GLRA1: variants seen among roughly 807,000 people sequenced by gnomAD.
The protein encoded by GLRA1 is glycine receptor alpha 1, also known as glycine receptor subunit alpha-1.
A neutral mutation model predicts 48.3 loss-of-function variants in GLRA1; 37 were observed. The observed-to-expected ratio is 0.77, with a 90% CI of 0.59 to 1.01. GLRA1 has a LOEUF of 1.01. GLRA1 is among the 50% of genes least tolerant of loss of function. The probability of loss-of-function intolerance (pLI) is 0.00; values close to 1 mark genes in which losing one functional copy is unlikely to be tolerated. For synonymous variants in GLRA1, 196 were observed against 210.7 expected (o/e 0.93, Z 0.60); for missense variants, 427 against 571.0 (o/e 0.75, Z 2.57).
intron 7 of GLRA1, among the ~76,000 whole-genome samples, chr5:151,841,089 G>A (rs1763702535): frequency 6.6e-6 from 1 of 152,072 alleles, no homozygotes; most frequent in Non-Finnish European, 1.5e-5. Flanking sequence ...TTCTTCTGAA[G>A]TGCACCATGG....
At chr5:151,860,531 A>G (rs962191064) in intron 3 of GLRA1, among the ~76,000 whole-genome samples, 1 of 152,224 alleles carries the variant, frequency 6.6e-6, no homozygotes, top group Non-Finnish European at 1.5e-5. Context: ...CATTCAAACT[A>G]TTCTGCCTAA....
chr5:151,860,959 G>A (rs1697877254), intron 3 of GLRA1, among the ~76,000 whole-genome samples: 1 of 152,164 alleles, frequency 6.6e-6, no homozygotes, highest in South Asian at 2.1e-4. Flanking sequence ...TCCCACCTAT[G>A]AGTGAGAACA....
chr5:151,882,887 G>A (rs1347565655), intron 3 of GLRA1, among the ~76,000 whole-genome samples: 1 of 152,088 alleles, frequency 6.6e-6, no homozygotes, highest in Non-Finnish European at 1.5e-5. Flanking sequence ...CAGACTTTAA[G>A]TGAAATGACA....
intron 3 of GLRA1, among the ~76,000 whole-genome samples, chr5:151,864,959 A>G (rs963314813): frequency 7.2e-5 from 11 of 152,164 alleles, no homozygotes; most frequent in African/African-American, 2.4e-4. Flanking sequence ...GGGGAAAGGT[A>G]TTTCCTAAGA....
At chr5:151,871,356 C>A (rs2113378794) in intron 3 of GLRA1, among the ~76,000 whole-genome samples, 1 of 149,318 alleles carries the variant, frequency 6.7e-6, no homozygotes, top group East Asian at 1.9e-4. Flanking sequence ...TAATAGCAAC[C>A]ACCCCCACAA....
intron 3 of GLRA1, among the ~76,000 whole-genome samples, chr5:151,864,723 T>C (rs548202920): frequency 6.6e-6 from 1 of 152,302 alleles, no homozygotes; most frequent in East Asian, 1.9e-4. Context: ...GAATGTTTAA[T>C]TGAGCACTTC....
chr5:151,899,364 A>G (rs1489511260), intron 1 of GLRA1, among the ~76,000 whole-genome samples: 1 of 152,272 alleles, frequency 6.6e-6, no homozygotes, highest in East Asian at 1.9e-4. Flanking sequence ...GAAAGACCCA[A>G]TATTTGCCAT....
intron 7 of GLRA1, among the ~76,000 whole-genome samples, chr5:151,842,056 TAAA>T (rs57043035): frequency 0.021 from 2,688 of 129,428 alleles, 68 homozygotes; most frequent in African/African-American, 0.069. Flanking sequence ...AAACTCCATC[TAAA>T]AAAAAAAAAA....
intron 1 of GLRA1, among the ~76,000 whole-genome samples, chr5:151,897,042 T>C (rs1353546549): frequency 6.6e-6 from 1 of 152,210 alleles, no homozygotes; most frequent in African/African-American, 2.4e-5. Flanking sequence ...GGTTCAATAA[T>C]GATTTATTGT....
chr5:151,904,833 T>A (rs1456791905), intron 1 of GLRA1, among the ~76,000 whole-genome samples: 2 of 152,160 alleles, frequency 1.3e-5, no homozygotes, highest in Non-Finnish European at 2.9e-5. Context: ...TCAAAGAGAG[T>A]TGGCAGATCT....
chr5:151,905,624 G>C (rs1001345029), intron 1 of GLRA1, among the ~76,000 whole-genome samples: 1 of 152,120 alleles, frequency 6.6e-6, no homozygotes, highest in Non-Finnish European at 1.5e-5. Flanking sequence ...AGGCAGAAAG[G>C]CCATAGCAGA....
chr5:151,822,790 C>G lies in GLRA1; in HGVS notation c.1233G>C (p.Arg411Ser). Residue 411 changes from arginine (R) to serine (S), a missense_variant, in exon 9 of 9, where the codon AGG (arginine) becomes AGC (serine). Coordinates refer to ENST00000274576, the MANE Select transcript of GLRA1 (RefSeq NM_000171.4). ...PEEMRKLFIQ[R>S]AKKIDKISRI... is the part of the protein sequence containing the mutation. ...GGGATATTTTGTCGATCTTCTTGGC[C>G]CTCTGGATGAAGAGTTTTCGCATCT... 6.2e-7 allele frequency: 1 copy of G among 1,613,974 alleles called. No homozygotes were observed. Among genetic ancestry groups the G allele is most frequent in the Non-Finnish European group, 8.5e-7 (1 of 1,179,962 alleles).
intron 2 of GLRA1, among the ~76,000 whole-genome samples, chr5:151,888,070 G>C (rs570880826): frequency 1.3e-5 from 2 of 152,202 alleles, no homozygotes; most frequent in Admixed American, 1.3e-4. Flanking sequence ...ACTTGACAAA[G>C]GTAGCACCAA....
intron 7 of GLRA1, among the ~76,000 whole-genome samples, chr5:151,833,885 G>A (rs939093520): frequency 2.7e-5 from 4 of 147,826 alleles, no homozygotes; most frequent in Admixed American, 1.3e-4. Context: ...AGACAAAGAA[G>A]GGCATTACAT....
chr5:151,882,722 G>GT (rs76044459), intron 3 of GLRA1, among the ~76,000 whole-genome samples: 5,279 of 139,910 alleles, frequency 0.038, 92 homozygotes, highest in African/African-American at 0.068. Flanking sequence ...AATTTCTTAA[G>GT]TTTTTTTTTT....
chr5:151,906,265 A>T (rs956791884), intron 1 of GLRA1, among the ~76,000 whole-genome samples: 1 of 152,220 alleles, frequency 6.6e-6, no homozygotes, highest in East Asian at 1.9e-4. Flanking sequence ...TATTACAAAT[A>T]AAAATAAGGT....
intron 1 of GLRA1, among the ~76,000 whole-genome samples, chr5:151,912,564 T>G (rs760890410): frequency 6.6e-5 from 10 of 152,164 alleles, no homozygotes; most frequent in Non-Finnish European, 1.3e-4. Context: ...TAGCTCACAT[T>G]CTCACTGTGA....
In GLRA1 at chr5:151,901,169, T is replaced by A. The variant is rs527311487; in HGVS notation, c.57-8731A>T. ...AAATGTCTTGGACCACTGGCCTAGG[T>A]CAAACCTATGTTTGCGCATAAACCC... On this transcript the variant is annotated intron_variant, in intron 1 of 8. Transcript: ENST00000274576. Among the ~76,000 whole-genome samples, 12 of 152,308 alleles carry A rather than the reference T, an allele frequency of 7.9e-5. No homozygotes were observed. In the East Asian group the frequency reaches 2.3e-3, roughly 29 times the overall value.
intron 7 of GLRA1, chr5:151,848,875 A>G (rs1752757489): frequency 6.4e-6 from 4 of 629,666 alleles, no homozygotes; most frequent in South Asian, 6.0e-5. Flanking sequence ...CGCCCAGAAC[A>G]CCTTCCACCA....
Sources: allele counts gnomAD v4.1 joint callset (sites outside exome capture counted in the v4.1 genomes callset), GRCh38; gene constraint gnomAD v4.1.1; transcripts MANE v1.5; gene names NCBI Gene and HGNC (gene_info 2026-07-23, HGNC 2026-07-21).